SHOC2: variants seen among roughly 807,000 people sequenced by gnomAD.
SHOC2 encodes the protein SHOC2 leucine rich repeat scaffold protein, also known as leucine-rich repeat protein SHOC-2.
SHOC2 carries 4 observed loss-of-function variants against 50.2 expected under a neutral mutation model. The observed-to-expected ratio is 0.08, with a 90% CI of 0.04 to 0.18. The LOEUF (loss-of-function observed/expected upper bound fraction) is 0.18. Among genes scored for constraint, SHOC2 ranks in the 10% least tolerant of loss-of-function variants. The pLI, the probability that SHOC2 is intolerant of heterozygous loss-of-function variation, is 1.00. For synonymous variants in SHOC2, 218 were observed against 244.5 expected (o/e 0.89, Z 1.01); for missense variants, 388 against 669.6 (o/e 0.58, Z 4.64).
chr10:111,001,709 A>ATG (rs879298870), intron 4 of SHOC2, among the ~76,000 whole-genome samples: 24 of 152,160 alleles, frequency 1.6e-4, no homozygotes, highest in Middle Eastern at 3.4e-3. Context: ...TTTTCTGAGT[A>ATG]TGTGTGTGTG....
At chr10:111,010,520 C>T (rs913809092) in intron 8 of SHOC2, among the ~76,000 whole-genome samples, 12 of 151,848 alleles carry the variant, frequency 7.9e-5, no homozygotes, top group African/African-American at 2.7e-4. Context: ...CATCACACAC[C>T]GGGGCCTGTC....
intron 1 of SHOC2, among the ~76,000 whole-genome samples, chr10:110,934,902 A>C (rs1164845323): frequency 3.7e-4 from 57 of 152,142 alleles, no homozygotes; most frequent in Admixed American, 3.7e-3. Context: ...AAAATTCAAA[A>C]GATATAGAAA....
chr10:110,919,511 C>G (rs1325933046), upstream of SHOC2: 1 of 258,530 alleles, frequency 3.9e-6, no homozygotes, highest in Non-Finnish European at 6.5e-6. Context: ...GAGGCTGGAG[C>G]GAGAGTAGTG....
At chr10:110,951,553 A>G (rs1324654160) in intron 1 of SHOC2, 1 of 152,240 alleles carries the variant, frequency 6.6e-6, no homozygotes, top group African/African-American at 2.4e-5. Context: ...GTACGTATCT[A>G]GAGGAAATGA....
chr10:110,929,799 C>G (rs1358294260), intron 1 of SHOC2, among the ~76,000 whole-genome samples: 2 of 152,168 alleles, frequency 1.3e-5, no homozygotes, highest in East Asian at 3.8e-4. Context: ...GAGGTTATAG[C>G]TTCAGCATAA....
At chr10:110,958,930 C>G (rs558181109) in intron 1 of SHOC2, among the ~76,000 whole-genome samples, 1 of 152,158 alleles carries the variant, frequency 6.6e-6, no homozygotes, top group South Asian at 2.1e-4. Context: ...GACCTAATAT[C>G]CCATTTATGC....
At chr10:110,967,582 TA>T (rs1847700514) in intron 2 of SHOC2, among the ~76,000 whole-genome samples, 1 of 152,188 alleles carries the variant, frequency 6.6e-6, no homozygotes, top group African/African-American at 2.4e-5. Context: ...ACATTTTCAA[TA>T]CCTCCAAAAG....
At chr10:110,960,159 G>C (rs1361279363) in intron 1 of SHOC2, among the ~76,000 whole-genome samples, 1 of 152,226 alleles carries the variant, frequency 6.6e-6, no homozygotes, top group East Asian at 1.9e-4. Flanking sequence ...ACTATGGCCT[G>C]ATGGCCAAAT....
At chr10:110,959,568 C>A (rs114851124) in intron 1 of SHOC2, among the ~76,000 whole-genome samples, 526 of 152,324 alleles carry the variant, frequency 3.5e-3, no homozygotes, top group African/African-American at 9.3e-3. Flanking sequence ...TGGACTGTTG[C>A]AGTGGCTTCC....
At chr10:110,952,726 C>G (rs933343703) in intron 1 of SHOC2, among the ~76,000 whole-genome samples, 2 of 152,138 alleles carry the variant, frequency 1.3e-5, no homozygotes, top group African/African-American at 4.8e-5. Context: ...CCCCGCACCT[C>G]GCAAAAGGCC....
intron 1 of SHOC2, among the ~76,000 whole-genome samples, chr10:110,948,512 A>G (rs1383894088): frequency 6.6e-6 from 1 of 152,212 alleles, no homozygotes; most frequent in African/African-American, 2.4e-5. Context: ...AAATTTGAGA[A>G]GATTGAAATT....
intron 3 of SHOC2, 77 bp downstream of exon 3, chr10:110,985,842 G>A (rs903419736): frequency 3.1e-6 from 4 of 1,282,242 alleles, no homozygotes; most frequent in African/African-American, 1.5e-5. Flanking sequence ...TGATCCATTT[G>A]GTAATGAAAA....
At chr10:110,967,351 A>G (rs1460392138) in intron 2 of SHOC2, among the ~76,000 whole-genome samples, 2 of 152,256 alleles carry the variant, frequency 1.3e-5, no homozygotes, top group Admixed American at 1.3e-4. Context: ...ATAGATTTTG[A>G]TTCTCTGGTA....
chr10:110,960,532 T>C (rs1325166568), intron 1 of SHOC2, among the ~76,000 whole-genome samples: 1 of 152,240 alleles, frequency 6.6e-6, no homozygotes, highest in Admixed American at 6.5e-5. Context: ...TATCTGACTT[T>C]GGTGCCTCAG....
intron 1 of SHOC2, among the ~76,000 whole-genome samples, chr10:110,925,690 C>CA (rs1846757302): frequency 1.3e-5 from 2 of 152,316 alleles, no homozygotes; most frequent in South Asian, 2.1e-4. Context: ...CTCCTGAGCT[C>CA]AAACAATCCA....
intron 1 of SHOC2, among the ~76,000 whole-genome samples, chr10:110,952,787 C>T (rs2134106096): frequency 6.6e-6 from 1 of 152,238 alleles, no homozygotes; most frequent in Middle Eastern, 3.4e-3. Flanking sequence ...TGTTCAATTC[C>T]CACTTATGAG....
intron 1 of SHOC2, among the ~76,000 whole-genome samples, chr10:110,942,532 A>G (rs1256776121): frequency 6.6e-6 from 1 of 152,140 alleles, no homozygotes; most frequent in Admixed American, 6.5e-5. Context: ...TTGAATTAAC[A>G]GGCTCATTTC....
intron 2 of SHOC2, among the ~76,000 whole-genome samples, chr10:110,975,315 C>G (rs1027548629): frequency 1.3e-5 from 2 of 152,072 alleles, no homozygotes; most frequent in Admixed American, 1.3e-4. Context: ...GTGACCACGC[C>G]CGGCTAATTT....
intron 1 of SHOC2, among the ~76,000 whole-genome samples, chr10:110,937,768 C>G (rs1052588704): frequency 2.6e-5 from 4 of 152,074 alleles, no homozygotes; most frequent in African/African-American, 9.7e-5. Context: ...TAAACAAAAT[C>G]ACAATTTAAC....
Sources: allele counts gnomAD v4.1 joint callset (sites outside exome capture counted in the v4.1 genomes callset), GRCh38; gene constraint gnomAD v4.1.1; transcripts MANE v1.5; gene names NCBI Gene and HGNC (gene_info 2026-07-23, HGNC 2026-07-21).